The following DAB1 variants were observed in gnomAD, a reference collection of about 807,000 sequenced individuals.
DAB1 encodes the protein disabled homolog 1.
In DAB1, 15 loss-of-function variants were observed where a neutral mutation model predicts 64.6. That is an observed-to-expected ratio of 0.23 (90% CI 0.16 to 0.36). DAB1 has a LOEUF of 0.36. Ranked by LOEUF, DAB1 falls within the 10% of genes least tolerant of loss-of-function variation. The probability of loss-of-function intolerance (pLI) is 1.00; values close to 1 mark genes in which losing one functional copy is unlikely to be tolerated. For synonymous variants in DAB1, 235 were observed against 251.9 expected (o/e 0.93, Z 0.64); for missense variants, 596 against 706.7 (o/e 0.84, Z 1.78).
chr1:57,014,348 C>T (rs920512147), intron 12 of DAB1, among the ~76,000 whole-genome samples: 1 of 152,160 alleles, frequency 6.6e-6, no homozygotes, highest in African/African-American at 2.4e-5. Context: ...CTTATGGCTG[C>T]GTATCTCTGC....
intron 4 of DAB1, among the ~76,000 whole-genome samples, chr1:58,249,555 G>A (rs897845860): frequency 6.6e-6 from 1 of 152,116 alleles, no homozygotes; most frequent in African/African-American, 2.4e-5. Flanking sequence ...TGGCCAGCTT[G>A]CCTGGTTTCT....
In DAB1 at chr1:57,409,614, G is replaced by C. The variant is rs993320669; in HGVS notation, c.-137+14316C>G. Among the ~76,000 whole-genome samples the C allele has an allele frequency of 2.6e-5, 4 of 152,266 alleles. No homozygotes were observed. In the East Asian group the frequency reaches 7.7e-4, roughly 29 times the overall value. ...TCATGAGGTCAGGAATTCGAGACCA[G>C]CCTGGCCAACACAGTGAAACCCCAT... is the stretch of plus-strand genomic sequence containing the variant. On this transcript the variant is annotated intron_variant, in intron 1 of 14. Coordinates refer to ENST00000371236, the MANE Select transcript of DAB1 (RefSeq NM_001365792.1).
chr1:58,146,016 C>G (rs989481068), intron 5 of DAB1, among the ~76,000 whole-genome samples: 2 of 152,190 alleles, frequency 1.3e-5, no homozygotes, highest in African/African-American at 4.8e-5. Context: ...ACCTAATGAA[C>G]AGTAAACATA....
intron 5 of DAB1, among the ~76,000 whole-genome samples, chr1:58,062,438 T>A (rs914380125): frequency 6.6e-6 from 1 of 152,246 alleles, no homozygotes; most frequent in Admixed American, 6.5e-5. Context: ...CCATGCAAGA[T>A]TCAAGGAGGG....
chr1:58,342,367 C>T (rs1643949798), intron 4 of DAB1, among the ~76,000 whole-genome samples: 1 of 152,174 alleles, frequency 6.6e-6, no homozygotes, highest in Non-Finnish European at 1.5e-5. Flanking sequence ...GGATTCACAA[C>T]CTCAGACTGT....
chr1:57,531,492 T>C (rs1183646036), intron 7 of DAB1, among the ~76,000 whole-genome samples: 3 of 152,148 alleles, frequency 2.0e-5, no homozygotes, highest in Non-Finnish European at 4.4e-5. Flanking sequence ...CAACCAGGAC[T>C]AGGCAAAACA....
At position 57,622,278 on chromosome 1, in the gene DAB1, T is replaced by C. The variant is rs529718677; in HGVS notation, n.625+27314A>G. Among the ~76,000 whole-genome samples the C allele has an allele frequency of 1.6e-4, 25 of 152,220 alleles. No homozygotes were observed. In the South Asian group the frequency reaches 5.2e-3, roughly 32 times the overall value. ...ATGAAGGGGACTGTGCAAGGCATCT[T>C]TTGCCCAGTAAATCCTGTCACTGCA... is the stretch of plus-strand genomic sequence containing the variant. On this transcript the variant is annotated intron_variant and non_coding_transcript_variant, in intron 7 of 20. Transcript: ENST00000485760.
chr1:57,562,198 C>T (rs1057282771), intron 7 of DAB1, among the ~76,000 whole-genome samples: 1 of 152,134 alleles, frequency 6.6e-6, no homozygotes, highest in East Asian at 1.9e-4. Context: ...CATGATGAAA[C>T]CCCATCTCTA....
chr1:58,409,062 G>T (rs147695908), intron 3 of DAB1, among the ~76,000 whole-genome samples: 6 of 152,148 alleles, frequency 3.9e-5, no homozygotes, highest in Non-Finnish European at 5.9e-5. Context: ...GAAAGAAAAC[G>T]TTTTTCTCAG....
At chr1:57,821,947 G>T (rs2101896061), downstream of DAB1, among the ~76,000 whole-genome samples, 1 of 152,282 alleles carries the variant, frequency 6.6e-6, no homozygotes, top group East Asian at 1.9e-4. Flanking sequence ...CTGTGAGGTA[G>T]AATTTATCCT....
intron 5 of DAB1, among the ~76,000 whole-genome samples, chr1:58,096,091 TG>T (rs1650963811): frequency 1.3e-5 from 2 of 152,190 alleles, no homozygotes; most frequent in Non-Finnish European, 2.9e-5. Context: ...ACAAGAGCAT[TG>T]CTTAGGTTCT....
At chr1:57,202,001 C>A (rs888144370) in intron 2 of DAB1, among the ~76,000 whole-genome samples, 23 of 152,184 alleles carry the variant, frequency 1.5e-4, no homozygotes, top group African/African-American at 5.5e-4. Flanking sequence ...ATCAGAAGTT[C>A]AAGTAATTCA....
At position 58,244,072 on chromosome 1, in the gene DAB1, C is replaced by T. The variant is rs75560113; in HGVS notation, n.310-93484G>A. Reference sequence around the variant, plus strand: ...GATGTTGAGACCAGACACACAATGTCCCAATCCCAGTCCTTCTCTCACTTG... The same window carrying T: ...GATGTTGAGACCAGACACACAATGTTCCAATCCCAGTCCTTCTCTCACTTG... On this transcript the variant is annotated intron_variant and non_coding_transcript_variant, in intron 4 of 20. Transcript: ENST00000485760. Among the ~76,000 whole-genome samples the T allele has an allele frequency of 8.8e-3, 1,341 of 152,238 alleles. 15 individuals are homozygous for T. The highest frequency in any genetic ancestry group is 0.03 in the African/African-American group (1,259 of 41,508).
At chr1:58,031,290 G>T (rs1323782260) in intron 5 of DAB1, among the ~76,000 whole-genome samples, 1 of 152,176 alleles carries the variant, frequency 6.6e-6, no homozygotes, top group Non-Finnish European at 1.5e-5. Flanking sequence ...TTGGGACCGG[G>T]TTATGTGGGG....
At chr1:58,335,072 GGTAA>G (rs976989377) in intron 4 of DAB1, among the ~76,000 whole-genome samples, 4 of 152,038 alleles carry the variant, frequency 2.6e-5, no homozygotes, top group African/African-American at 7.2e-5. Flanking sequence ...ACTAAAGCAG[GGTAA>G]GTAAGAGAAT....
At chr1:58,008,204 TCATA>T (rs1646614608) in intron 5 of DAB1, among the ~76,000 whole-genome samples, 1 of 152,144 alleles carries the variant, frequency 6.6e-6, no homozygotes, top group African/African-American at 2.4e-5. Context: ...TTGCCCAAGA[TCATA>T]CAGTTAGGAA....
At chr1:57,409,026 G>A (rs767908153) in intron 1 of DAB1, among the ~76,000 whole-genome samples, 5 of 152,098 alleles carry the variant, frequency 3.3e-5, no homozygotes, top group Non-Finnish European at 7.4e-5. Context: ...AGACGTGGTG[G>A]AGTCTCCTCC....
intron 4 of DAB1, among the ~76,000 whole-genome samples, chr1:58,225,059 TC>T (rs1659390234): frequency 6.6e-6 from 1 of 152,002 alleles, no homozygotes; most frequent in African/African-American, 2.4e-5. Context: ...TGCAATCTAC[TC>T]ATCTGACAAA....
At chr1:57,522,263 C>T (rs1201759629) in intron 7 of DAB1, among the ~76,000 whole-genome samples, 1 of 152,192 alleles carries the variant, frequency 6.6e-6, no homozygotes, top group African/African-American at 2.4e-5. Flanking sequence ...AGCCCCTCCC[C>T]TTCCCCATGC....
Sources: gnomAD v4.1 joint callset for allele counts (sites outside exome capture counted in the v4.1 genomes callset) on GRCh38, gnomAD v4.1.1 for gene constraint, MANE v1.5 for transcripts, NCBI Gene and HGNC (gene_info 2026-07-23, HGNC 2026-07-21) for gene names.